PRKCB: variants seen among roughly 807,000 people sequenced by gnomAD.
The protein encoded by PRKCB is protein kinase C beta.
PRKCB carries 13 observed loss-of-function variants against 81.5 expected under a neutral mutation model. The observed-to-expected ratio is 0.16, with a 90% CI of 0.10 to 0.25. PRKCB has a LOEUF of 0.25. Ranked by LOEUF, PRKCB falls within the 10% of genes least tolerant of loss-of-function variation. PRKCB has a pLI of 1.00. For missense variants in PRKCB, 509 were observed against 875.7 expected (o/e 0.58, Z 5.29); for synonymous variants, 335 against 321.4 (o/e 1.04, Z -0.45).
chr16:24,039,393 T>G (rs1230168086), intron 5 of PRKCB, among the ~76,000 whole-genome samples: 1 of 145,182 alleles, frequency 6.9e-6, no homozygotes, highest in East Asian at 2.1e-4. Flanking sequence ...CATGCCCAGC[T>G]GATTTTTTTT....
Position 24,123,745 on chromosome 16 carries a change from G to C in PRKCB, c.919-90G>C, listed in dbSNP as rs1326755422. ...ATGGGGACAGGGTGCCGGAGCTGCA[G>C]GAACTACAGCTTCCCATTGTGTGCC... On this transcript the variant is annotated intron_variant, in intron 8 of 16. Transcript: ENST00000643927. 3 of 1,400,720 alleles carry C rather than the reference G, an allele frequency of 2.1e-6. No homozygotes were observed. The African/African-American group carries it at 4.3e-5, about 20-fold the overall frequency. 86.8% of individuals were successfully genotyped at this position (1,400,720 alleles called of 1,614,324 possible).
At chr16:24,203,334 G>C (rs1967990487) in intron 16 of PRKCB, 1 of 151,828 alleles carries the variant, frequency 6.6e-6, no homozygotes, top group Admixed American at 6.6e-5. Context: ...CAAGATCAGG[G>C]GCTGTATCTG....
intron 5 of PRKCB, among the ~76,000 whole-genome samples, chr16:24,086,348 G>GCAGGA (rs1362395752): frequency 8.5e-5 from 13 of 152,138 alleles, no homozygotes; most frequent in Non-Finnish European, 1.8e-4. Context: ...GAGGGGCAGG[G>GCAGGA]CAGGACAGTG....
intron 2 of PRKCB, among the ~76,000 whole-genome samples, chr16:23,899,168 G>A (rs1031126944): frequency 1.3e-5 from 2 of 152,170 alleles, no homozygotes; most frequent in Non-Finnish European, 2.9e-5. Flanking sequence ...AGTGAAACAA[G>A]TGCTTCTCCC....
intron 5 of PRKCB, among the ~76,000 whole-genome samples, chr16:24,055,791 G>A (rs757237926): frequency 6.6e-6 from 1 of 152,176 alleles, no homozygotes; most frequent in Non-Finnish European, 1.5e-5. Context: ...TTCTAGTTTT[G>A]TAGGGGTGTG....
intron 10 of PRKCB, among the ~76,000 whole-genome samples, chr16:24,164,750 G>A (rs941594963): frequency 5.9e-5 from 9 of 152,188 alleles, no homozygotes; most frequent in Non-Finnish European, 1.3e-4. Context: ...AAGTAGGAGA[G>A]AGCCAATCTG....
rs111681180 is a variant in PRKCB at position 23,892,150 on chromosome 16, G to T, written c.205+54744G>T. Among the ~76,000 whole-genome samples, 687 of 152,266 alleles carry T rather than the reference G, an allele frequency of 4.5e-3. 4 individuals are homozygous for T. Among genetic ancestry groups the T allele is most frequent in the Non-Finnish European group, 6.8e-3 (460 of 68,000 alleles). ...CAGTGATAAAGATGTACCTGTTACTGGGAGCCCTTGAGAGAAATCTTTGGT... is the reference window on the plus strand; with the variant it reads ...CAGTGATAAAGATGTACCTGTTACTTGGAGCCCTTGAGAGAAATCTTTGGT... On this transcript the variant is annotated intron_variant, in intron 2 of 16. Transcript: ENST00000643927.
chr16:24,200,850 T>C (rs1416446559), intron 16 of PRKCB, among the ~76,000 whole-genome samples: 4 of 152,184 alleles, frequency 2.6e-5, no homozygotes, highest in African/African-American at 9.6e-5. Flanking sequence ...CACATGAACT[T>C]TGGCGGGGCA....
chr16:23,991,148 G>A (rs1964881868), intron 3 of PRKCB, among the ~76,000 whole-genome samples: 1 of 152,144 alleles, frequency 6.6e-6, no homozygotes, highest in Non-Finnish European at 1.5e-5. Context: ...TCTGCAAATG[G>A]TCATCTGCCA....
chr16:24,069,282 G>A (rs1016221264), intron 5 of PRKCB, among the ~76,000 whole-genome samples: 1 of 152,182 alleles, frequency 6.6e-6, no homozygotes, highest in East Asian at 1.9e-4. Flanking sequence ...CCCATGTCCT[G>A]GGGCAAATGA....
rs567904157 is a variant in PRKCB at position 23,911,128 on chromosome 16, CTTT to C, written c.205+73745_205+73747del. Among the ~76,000 whole-genome samples, 129 of 31,556 alleles carry C rather than the reference CTTT, an allele frequency of 4.1e-3. 1 individual carries two copies. Among genetic ancestry groups the C allele is most frequent in the African/African-American group, 0.012 (97 of 7,952 alleles). 20.7% of individuals were successfully genotyped at this position (31,556 alleles called of 152,430 possible). A position where few individuals can be genotyped will look rare whatever the true frequency, so the allele number is the denominator to read the frequency against. ...ATAAATAGCCATAAACGTATATATG[CTTT>C]TTTTTTTTTTTTTTTTTTTTTTGAG... On this transcript the variant is annotated intron_variant, in intron 2 of 16. Coordinates refer to ENST00000643927, the MANE Select transcript of PRKCB (RefSeq NM_002738.7).
chr16:23,840,516 G>T (rs1396572806), intron 2 of PRKCB, among the ~76,000 whole-genome samples: 1 of 152,180 alleles, frequency 6.6e-6, no homozygotes, highest in Non-Finnish European at 1.5e-5. Context: ...CTTAGCTAGG[G>T]TTTAATCACA....
chr16:23,919,379 C>T (rs1229638173), intron 2 of PRKCB, among the ~76,000 whole-genome samples: 1 of 66,302 alleles, frequency 1.5e-5, no homozygotes, highest in African/African-American at 6.5e-5. Context: ...GAGTCATGGA[C>T]GAATTTGCAA....
At chr16:23,969,721 C>G (rs1964532012) in intron 2 of PRKCB, among the ~76,000 whole-genome samples, 1 of 152,128 alleles carries the variant, frequency 6.6e-6, no homozygotes, top group Non-Finnish European at 1.5e-5. Flanking sequence ...CATGGATCAG[C>G]TCAAATCAAA....
chr16:24,173,919 G>A (rs1967486637), intron 11 of PRKCB, among the ~76,000 whole-genome samples: 1 of 152,226 alleles, frequency 6.6e-6, no homozygotes, highest in African/African-American at 2.4e-5. Flanking sequence ...TGCCTAAAAT[G>A]GTGCTGGGGA....
chr16:23,987,780 T>G (rs531130355), intron 2 of PRKCB, among the ~76,000 whole-genome samples: 1 of 152,226 alleles, frequency 6.6e-6, no homozygotes, highest in East Asian at 1.9e-4. Context: ...ACACCAAGAC[T>G]GTAAAAGATG....
At chr16:24,157,801 G>A (rs984253808) in intron 10 of PRKCB, among the ~76,000 whole-genome samples, 7 of 150,800 alleles carry the variant, frequency 4.6e-5, no homozygotes, top group African/African-American at 1.7e-4. Context: ...CTGGTGCCAT[G>A]TGAAGGACAC....
At chr16:23,899,216 C>T (rs1447269884) in intron 2 of PRKCB, among the ~76,000 whole-genome samples, 1 of 152,232 alleles carries the variant, frequency 6.6e-6, no homozygotes, top group Non-Finnish European at 1.5e-5. Context: ...ATGCCAGCCA[C>T]AGCTTGGCTT....
intron 2 of PRKCB, among the ~76,000 whole-genome samples, chr16:23,839,279 C>CTT (rs10657212): frequency 0.22 from 30,064 of 136,848 alleles, 3,826 homozygotes; most frequent in South Asian, 0.31. Context: ...ATAGGAGTGT[C>CTT]TTTTTTTTTT....
Sources: allele counts gnomAD v4.1 joint callset (sites outside exome capture counted in the v4.1 genomes callset), GRCh38; gene constraint gnomAD v4.1.1; transcripts MANE v1.5; gene names NCBI Gene and HGNC (gene_info 2026-07-23, HGNC 2026-07-21).